The following LRP6 variants were observed in gnomAD, a reference collection of about 807,000 sequenced individuals.
The protein encoded by LRP6 is LDL receptor related protein 6.
In LRP6, 43 loss-of-function variants were observed where a neutral mutation model predicts 184.1. The ratio of observed to expected loss-of-function variants is 0.23; its 90% CI spans 0.18 to 0.30. LRP6 has a LOEUF of 0.30. Ranked by LOEUF, LRP6 falls within the 10% of genes least tolerant of loss-of-function variation. The probability of loss-of-function intolerance (pLI) is 1.00; values close to 1 mark genes in which losing one functional copy is unlikely to be tolerated. For synonymous variants in LRP6, 719 were observed against 684.9 expected, an observed-to-expected ratio of 1.05 and a Z score of -0.78; for missense variants, 1,571 against 2,005.3, an observed-to-expected ratio of 0.78 and a Z score of 4.14.
In LRP6 at chr12:12,165,238, T is replaced by C. The variant is rs1862848708; in HGVS notation, c.1603A>G (p.Ile535Val). The change falls in exon 8 of 23, where the codon ATA (isoleucine) becomes GTA (valine). Residue 535 changes from isoleucine (I) to valine (V), a missense_variant. Coordinates refer to ENST00000261349, the MANE Select transcript of LRP6 (RefSeq NM_002336.3). ...RVLVEDKIPH[I>V]FGFTLLGDYV... ...TCACCCAACAAAGTAAATCCAAATA[T>C]GTGAGGAATTTTGTCTTCCACTAGT... The C allele has an allele frequency of 1.2e-6, 2 of 1,614,122 alleles. No homozygotes were observed. Among genetic ancestry groups the C allele is most frequent in the Non-Finnish European group, 1.7e-6 (2 of 1,179,996 alleles).
At chr12:12,189,910 G>A (rs1443106459) in intron 3 of LRP6, among the ~76,000 whole-genome samples, 2 of 152,114 alleles carry the variant, frequency 1.3e-5, no homozygotes, top group Admixed American at 6.5e-5. Context: ...TTAGTGAACT[G>A]TTTTATAACT....
chr12:12,199,513 A>G (rs1774133220), intron 3 of LRP6, among the ~76,000 whole-genome samples: 1 of 152,178 alleles, frequency 6.6e-6, no homozygotes, highest in Non-Finnish European at 1.5e-5. Flanking sequence ...TAAGAACAAA[A>G]ATGTGTTTAC....
chr12:12,258,964 G>C (rs1368622964), intron 1 of LRP6, among the ~76,000 whole-genome samples: 1 of 149,244 alleles, frequency 6.7e-6, no homozygotes, highest in East Asian at 2.0e-4. Context: ...ATTTTCTTGG[G>C]AAAAAAAAAA....
chr12:12,227,558 C>G (rs184934747), intron 2 of LRP6, among the ~76,000 whole-genome samples: 201 of 152,110 alleles, frequency 1.3e-3, no homozygotes, highest in African/African-American at 4.4e-3. Context: ...CAGGCACGCA[C>G]CACCATGCCA....
chr12:12,147,423 C>G lies in LRP6; in HGVS notation c.3340G>C (p.Gly1114Arg). 2 of 1,614,102 alleles carry G rather than the reference C, an allele frequency of 1.2e-6. No homozygotes were observed. Among genetic ancestry groups the G allele is most frequent in the African/African-American group, 1.3e-5 (1 of 75,016 alleles). ...PIALALDSRLGKLFWADSDLR... is the reference protein window; with the variant it reads ...PIALALDSRLRKLFWADSDLR... The stretch of plus-strand genomic sequence containing the variant: ...TCTGAATCAGCCCAAAAGAGCTTGC[C>G]CAGCCTGCTATCAAGGGCTAAAGCA... The change falls in exon 15 of 23, where the codon GGC (glycine) becomes CGC (arginine). Residue 1114 changes from glycine to arginine, a missense_variant. By Grantham distance (125) the Gly-to-Arg change is moderately radical. Coordinates refer to ENST00000261349, the MANE Select transcript of LRP6 (RefSeq NM_002336.3).
At chr12:12,247,936 C>A (rs568105955) in intron 1 of LRP6, among the ~76,000 whole-genome samples, 203 of 152,288 alleles carry the variant, frequency 1.3e-3, no homozygotes, top group African/African-American at 4.5e-3. Context: ...TCTCTACCAG[C>A]CTTTCTAAGC....
At chr12:12,236,490 G>A (rs1591975598) in intron 2 of LRP6, among the ~76,000 whole-genome samples, 1 of 152,162 alleles carries the variant, frequency 6.6e-6, no homozygotes, top group Admixed American at 6.5e-5. Context: ...GTGACGGGGG[G>A]GTTCCCCACA....
chr12:12,158,927 C>G lies in LRP6; in HGVS notation c.2693G>C (p.Gly898Ala), dbSNP rs1414105715. Reference sequence around the variant, plus strand: ...AGCCAAGCAGAGGTGGGAGCAGTGCCCATTGCTGGAAGCACATTCATTCCA... The same window carrying G: ...AGCCAAGCAGAGGTGGGAGCAGTGCGCATTGCTGGAAGCACATTCATTCCA... ...SGWNECASSN[G>A]HCSHLCLAVP... The change falls in exon 12 of 23, where the codon GGG becomes GCG. Residue 898 changes from glycine (G) to alanine (A), a missense_variant. Transcript: ENST00000261349. 1 of 1,614,060 alleles carries G rather than the reference C, an allele frequency of 6.2e-7. No homozygotes were observed. The highest frequency in any genetic ancestry group is 1.3e-5 in the African/African-American group (1 of 74,932).
chr12:12,211,943 A>C (rs137907621), intron 2 of LRP6, among the ~76,000 whole-genome samples: 1 of 152,318 alleles, frequency 6.6e-6, no homozygotes, highest in East Asian at 1.9e-4. Context: ...CAAAGAATCA[A>C]AGGTGATGCA....
chr12:12,218,343 G>A (rs1335362113), intron 2 of LRP6, among the ~76,000 whole-genome samples: 2 of 151,910 alleles, frequency 1.3e-5, no homozygotes. Flanking sequence ...CTGGTGTGGT[G>A]TCACCCACCT....
rs1206014491 is a variant in LRP6, at chr12:12,266,893, G to A, written c.-158C>T. 4 of 698,318 alleles carry A rather than the reference G, an allele frequency of 5.7e-6. No individual in the cohort carries two copies. The highest frequency in any genetic ancestry group is 1.8e-5 in the African/African-American group (1 of 55,626). The allele number at this position is 698,318 out of a possible 1,614,324, so 43.3% of individuals were successfully genotyped here. ...AAAGGGGCACGTCAAGGTTCCGCGC[G>A]CGCCGCCGCCGCCCTCTCTACCGCG... On this transcript the variant is annotated 5_prime_UTR_variant, in exon 1 of 23. Transcript: ENST00000261349.
intron 1 of LRP6, among the ~76,000 whole-genome samples, chr12:12,255,993 G>C (rs553413013): frequency 7.9e-5 from 12 of 152,198 alleles, no homozygotes; most frequent in African/African-American, 2.4e-4. Flanking sequence ...AAAACCACAA[G>C]AAGGCCCAGG....
intron 1 of LRP6, among the ~76,000 whole-genome samples, chr12:12,260,105 G>A (rs7301935): frequency 0.54 from 81,369 of 151,944 alleles, 22,753 homozygotes; most frequent in East Asian, 0.76. Context: ...TAGGCCAGGC[G>A]CGGTGGTTCA....
At chr12:12,223,038 T>C (rs1261162482) in intron 2 of LRP6, among the ~76,000 whole-genome samples, 1 of 152,076 alleles carries the variant, frequency 6.6e-6, no homozygotes, top group African/African-American at 2.4e-5. Context: ...CAAAATAAAA[T>C]ATTTTAAATC....
intron 3 of LRP6, among the ~76,000 whole-genome samples, chr12:12,194,826 T>C (rs571743779): frequency 7.8e-4 from 118 of 152,110 alleles, no homozygotes; most frequent in African/African-American, 2.7e-3. Flanking sequence ...TTTTTCTAAC[T>C]GTAATTCTGT....
At chr12:12,200,013 C>CCAGAGGTATATAGGCCAA (rs1863874206) in intron 3 of LRP6, among the ~76,000 whole-genome samples, 1 of 143,104 alleles carries the variant, frequency 7.0e-6, no homozygotes, top group Admixed American at 7.0e-5. Context: ...CTCTTCTCAT[C>CCAGAGGTATATAGGCCAA]CAGAGGTATA....
intron 2 of LRP6, among the ~76,000 whole-genome samples, chr12:12,206,027 G>A (rs1359048057): frequency 2.0e-5 from 3 of 152,152 alleles, no homozygotes; most frequent in African/African-American, 7.2e-5. Context: ...ATGGTGTTAT[G>A]ACTGCCACCA....
intron 2 of LRP6, among the ~76,000 whole-genome samples, chr12:12,235,004 G>A (rs539931220): frequency 6.6e-6 from 1 of 152,164 alleles, no homozygotes; most frequent in Non-Finnish European, 1.5e-5. Context: ...AAAAAAGGGG[G>A]TAGGAGATGG....
In LRP6 at chr12:12,162,202, G is replaced by A; in HGVS notation, c.2270C>T (p.Pro757Leu). ...ATGTAAAGCTGTTTACCCTTCGGCA[G>A]GGTCCAACGCGAGAGCTCTGGGACT... ...LDSPRALALD[P>L]AEGFMYWTEW... The change falls in exon 10 of 23, where the codon CCT (proline) becomes CTT (leucine). Residue 757 changes from proline to leucine, a missense_variant. Physicochemically the swap from Pro to Leu is moderately conservative, Grantham distance 98. This residue lies in a region of LRP6 where 158 missense variants were observed against 258.4 expected (regional missense o/e 0.61). Transcript: ENST00000261349. The A allele has an allele frequency of 6.2e-7, 1 of 1,614,064 alleles. No individual in the cohort carries two copies. The highest frequency in any genetic ancestry group is 8.5e-7 in the Non-Finnish European group (1 of 1,179,910).
Sources: gnomAD v4.1 joint callset for allele counts (sites outside exome capture counted in the v4.1 genomes callset) on GRCh38, gnomAD v4.1.1 for gene constraint, gnomAD v4.1.1 regional missense constraint, MANE v1.5 for transcripts, NCBI Gene and HGNC (gene_info 2026-07-23, HGNC 2026-07-21) for gene names.